The following CIBAR2 variants were observed in gnomAD, a reference collection of about 807,000 sequenced individuals.
CIBAR2 encodes CBY1 interacting BAR domain containing 2.
CIBAR2 carries 38 observed loss-of-function variants against 36.2 expected under a neutral mutation model. That is an observed-to-expected ratio of 1.05 (90% CI 0.81 to 1.38). The LOEUF is 1.38. CIBAR2 is among the 40% of genes most tolerant of loss of function. The probability of loss-of-function intolerance (pLI) is 0.00; values close to 1 mark genes in which losing one functional copy is unlikely to be tolerated. For missense variants in CIBAR2, 481 were observed against 383.4 expected (o/e 1.25, Z -2.13); for synonymous variants, 182 against 149.5 (o/e 1.22, Z -1.58).
At chr16:85,104,874 G>A (rs575535139) in intron 6 of CIBAR2, among the ~76,000 whole-genome samples, 1 of 152,310 alleles carries the variant, frequency 6.6e-6, no homozygotes, top group South Asian at 2.1e-4. Flanking sequence ...CTCTGGGCCC[G>A]GGGCTTTGTG....
At chr16:85,110,485 C>T (rs779687888) in intron 1 of CIBAR2, 25 bp from the exon 2 acceptor site, 6 of 1,540,772 alleles carry the variant, frequency 3.9e-6, no homozygotes, top group Non-Finnish European at 5.3e-6. Context: ...ACCTGAGCAG[C>T]CATTCTGGGC....
chr16:85,107,938 T>C lies in CIBAR2; in HGVS notation c.334A>G (p.Lys112Glu). Residue 112 changes from lysine (K) to glutamate (E), a missense_variant, in exon 4 of 9, where the codon AAG becomes GAG. Lys to Glu is a moderately conservative substitution (Grantham distance 56, BLOSUM62 1). Transcript: ENST00000539556. ...AQIKQTRAEI[K>E]KFKHVQNHEI... Reference sequence around the variant, plus strand: ...TGATTTTGGACATGTTTGAATTTCTTGATCTCAGCCTGCAGAAAAGGAGGA... The same window carrying C: ...TGATTTTGGACATGTTTGAATTTCTCGATCTCAGCCTGCAGAAAAGGAGGA... 6.2e-7 allele frequency: 1 copy of C among 1,614,174 alleles called. No individual in the cohort carries two copies. Among genetic ancestry groups the C allele is most frequent in the Admixed American group, 1.7e-5 (1 of 60,032 alleles).
intron 6 of CIBAR2, among the ~76,000 whole-genome samples, chr16:85,103,281 A>T (rs2073969864): frequency 6.6e-6 from 1 of 152,120 alleles, no homozygotes; most frequent in Non-Finnish European, 1.5e-5. Flanking sequence ...TCGGATGCTG[A>T]ATCTGCTGGA....
chr16:85,101,086 C>G (rs71386889), intron 7 of CIBAR2, among the ~76,000 whole-genome samples: 16,101 of 151,690 alleles, frequency 0.11, 1,075 homozygotes, highest in Non-Finnish European at 0.15. Context: ...TTGGAACCAG[C>G]TGCTGTGAGG....
chr16:85,102,071 A>G, intron 7 of CIBAR2, 143 bp downstream of exon 7: 1 of 606,578 alleles, frequency 1.6e-6, no homozygotes, highest in Non-Finnish European at 3.0e-6. Context: ...AGGGGCAGAT[A>G]TTGACAACGC....
intron 2 of CIBAR2, among the ~76,000 whole-genome samples, chr16:85,109,018 C>T (rs1471504957): frequency 1.3e-5 from 2 of 152,304 alleles, no homozygotes; most frequent in East Asian, 3.9e-4. Context: ...CCTGGTCTTC[C>T]TCTGGTCTCC....
At chr16:85,111,009 C>T (rs920208882) in intron 1 of CIBAR2, among the ~76,000 whole-genome samples, 6 of 152,080 alleles carry the variant, frequency 3.9e-5, no homozygotes, top group African/African-American at 1.4e-4. Flanking sequence ...TCGGCCCCAA[C>T]TCACCTTTAA....
chr16:85,107,644 C>G, intron 5 of CIBAR2, 23 bp downstream of exon 5: 4 of 1,613,246 alleles, frequency 2.5e-6, no homozygotes, highest in East Asian at 4.5e-5. Flanking sequence ...TCTGCCTGCC[C>G]CAGACAGACA....
At position 85,102,399 on chromosome 16, in the gene CIBAR2, C is replaced by A. The variant is rs2073962960; in HGVS notation, c.538-72G>T. 4 of 908,896 alleles carry A rather than the reference C, an allele frequency of 4.4e-6. No homozygotes were observed. In the South Asian group the frequency reaches 5.3e-5, roughly 12 times the overall value. The allele number at this position is 908,896 out of a possible 1,614,324, so 56.3% of individuals were successfully genotyped here. A position where few individuals can be genotyped will look rare whatever the true frequency, so the allele number is the denominator to read the frequency against. On this transcript the variant is annotated intron_variant, in intron 6 of 8. Coordinates refer to ENST00000539556, the MANE Select transcript of CIBAR2 (RefSeq NM_198491.3). ...AGCCCAGGGAAGCCTGGGATGCAGG[C>A]AGATGGGGTGGGGGTGTGGAGGGCT... is the stretch of plus-strand genomic sequence containing the variant.
At chr16:85,105,598 C>T (rs1232753315) in intron 5 of CIBAR2, among the ~76,000 whole-genome samples, 167 bp from the exon 6 acceptor site, 2 of 152,166 alleles carry the variant, frequency 1.3e-5, no homozygotes, top group Admixed American at 6.5e-5. Context: ...AGTAGGACCC[C>T]GGCTGAAGGA....
chr16:85,110,600 C>G (rs1258591915), intron 1 of CIBAR2, 140 bp from the exon 2 acceptor site: 3 of 602,334 alleles, frequency 5.0e-6, no homozygotes, highest in Non-Finnish European at 8.5e-6. Flanking sequence ...CAGGCTGTCA[C>G]TCAAGGTGGC....
chr16:85,100,117 C>G (rs769829363), intron 8 of CIBAR2, 22 bp downstream of exon 8: 23 of 1,589,540 alleles, frequency 1.4e-5, no homozygotes, highest in Non-Finnish European at 1.5e-5. Context: ...AGGTGTAACC[C>G]CTCACCCACC....
intron 6 of CIBAR2, among the ~76,000 whole-genome samples, chr16:85,103,005 G>T (rs1036563490): frequency 1.3e-5 from 2 of 151,820 alleles, no homozygotes; most frequent in Non-Finnish European, 2.9e-5. Context: ...GGGTTCAAGC[G>T]ATTCTCCTGC....
intron 7 of CIBAR2, among the ~76,000 whole-genome samples, chr16:85,100,873 C>A (rs2073950056): frequency 6.6e-6 from 1 of 152,104 alleles, no homozygotes; most frequent in Admixed American, 6.5e-5. Flanking sequence ...CGGTGAAACC[C>A]CGTCTCTACT....
Position 85,107,517 on chromosome 16 carries a change from T to C in CIBAR2, c.432+150A>G, listed in dbSNP as rs1461975755. Reference sequence around the variant, plus strand: ...CAGGTCTCCAGACCCCCAGAGCCCCTTTTTACTGGTACCTTTGGCTTTCCC... The same window carrying C: ...CAGGTCTCCAGACCCCCAGAGCCCCCTTTTACTGGTACCTTTGGCTTTCCC... On this transcript the variant is annotated intron_variant, in intron 5 of 8. Coordinates refer to ENST00000539556, the MANE Select transcript of CIBAR2 (RefSeq NM_198491.3). The C allele has an allele frequency of 7.4e-6, 6 of 815,122 alleles. No individual in the cohort carries two copies. In the East Asian group the frequency reaches 1.5e-4, roughly 20 times the overall value. 50.5% of individuals were successfully genotyped at this position (815,122 alleles called of 1,614,324 possible). A position where few individuals can be genotyped will look rare whatever the true frequency, so the allele number is the denominator to read the frequency against.
At position 85,108,595 on chromosome 16, in the gene CIBAR2, G is replaced by A. The variant is rs145936526; in HGVS notation, c.256-496C>T. Among the ~76,000 whole-genome samples the A allele has an allele frequency of 3.2e-4, 49 of 152,330 alleles. 1 individual carries two copies. Among genetic ancestry groups the A allele is most frequent in the Middle Eastern group, 3.4e-3 (1 of 294 alleles). Reference sequence around the variant, plus strand: ...CTTTATTGAGAGTCACAGTGGGGCCGGGCGCGATGGCTCACGCCTGTAATC... The same window carrying A: ...CTTTATTGAGAGTCACAGTGGGGCCAGGCGCGATGGCTCACGCCTGTAATC... On this transcript the variant is annotated intron_variant, in intron 2 of 8. Coordinates refer to ENST00000539556, the MANE Select transcript of CIBAR2 (RefSeq NM_198491.3).
In CIBAR2 at chr16:85,112,443, G is replaced by T. The variant is rs542579891; in HGVS notation, c.-91C>A. The stretch of plus-strand genomic sequence containing the variant: ...CCTGGGAGGAGCCGGGCAGGGCTGG[G>T]TGCAGCTGTGTGGCCTGGGCTCAAG... On this transcript the variant is annotated 5_prime_UTR_variant, in exon 1 of 9. Coordinates refer to ENST00000539556, the MANE Select transcript of CIBAR2 (RefSeq NM_198491.3). 3.1e-6 allele frequency: 4 copies of T among 1,297,946 alleles called. No homozygotes were observed. Among genetic ancestry groups the T allele is most frequent in the Non-Finnish European group, 4.5e-6 (4 of 896,432 alleles). 80.4% of individuals were successfully genotyped at this position (1,297,946 alleles called of 1,614,324 possible).
chr16:85,104,875 G>T (rs2073983344), intron 6 of CIBAR2, among the ~76,000 whole-genome samples: 2 of 152,182 alleles, frequency 1.3e-5, no homozygotes, highest in Admixed American at 1.3e-4. Flanking sequence ...TCTGGGCCCG[G>T]GGCTTTGTGG....
intron 6 of CIBAR2, 65 bp from the exon 7 acceptor site, chr16:85,102,392 A>C: frequency 2.1e-6 from 2 of 945,730 alleles, no homozygotes; most frequent in Non-Finnish European, 3.5e-6. Flanking sequence ...GAAGCCTGGG[A>C]TGCAGGCAGA....
Sources: gnomAD v4.1 joint callset for allele counts (sites outside exome capture counted in the v4.1 genomes callset) on GRCh38, gnomAD v4.1.1 for gene constraint, MANE v1.5 for transcripts, NCBI Gene and HGNC (gene_info 2026-07-23, HGNC 2026-07-21) for gene names.